The following LRPPRC variants were observed in gnomAD, a reference collection of about 807,000 sequenced individuals.
The protein encoded by LRPPRC is leucine rich pentatricopeptide repeat containing.
In LRPPRC, 120 loss-of-function variants were observed where a neutral mutation model predicts 180.3. That is an observed-to-expected ratio of 0.67 (90% CI 0.57 to 0.77). The LOEUF (loss-of-function observed/expected upper bound fraction) is 0.77, where lower values mean the gene tolerates loss of function less well. LRPPRC is among the 30% of genes least tolerant of loss of function. The pLI is 0.00. For synonymous variants in LRPPRC, 723 were observed against 600.0 expected, an observed-to-expected ratio of 1.21 and a Z score of -3.00; for missense variants, 2,012 against 1,657.2, an observed-to-expected ratio of 1.21 and a Z score of -3.72.
At chr2:43,911,505 TTTCTTCTTC>T (rs202191599) in intron 30 of LRPPRC, among the ~76,000 whole-genome samples, 14 of 135,292 alleles carry the variant, frequency 1.0e-4, no homozygotes, top group African/African-American at 3.9e-4. Flanking sequence ...TTCCTTTTCT[TTTCTTCTTC>T]TTCTTCTTCT....
intron 11 of LRPPRC, among the ~76,000 whole-genome samples, chr2:43,966,266 A>G (rs1184777584): frequency 6.6e-6 from 1 of 151,746 alleles, no homozygotes; most frequent in African/African-American, 2.4e-5. Context: ...AAAAAGTTGA[A>G]CTCTGTTATG....
At chr2:43,941,837 T>TAAAAAA (rs35278650) in intron 23 of LRPPRC, among the ~76,000 whole-genome samples, 1 of 92,860 alleles carries the variant, frequency 1.1e-5, no homozygotes, top group African/African-American at 4.0e-5. Context: ...CAAAGTAGTC[T>TAAAAAA]AAAAAAAAAA....
chr2:43,960,538 T>C lies in LRPPRC; in HGVS notation c.1582+3A>G. ...AAGTTTACCGCTAATGTTGTATACT[T>C]ACAAAATGATAATACAAAGTCTAAG... On this transcript the variant is annotated splice_donor_region_variant and intron_variant, in intron 13 of 37. Coordinates refer to ENST00000260665, the MANE Select transcript of LRPPRC (RefSeq NM_133259.4). 1 of 1,507,368 alleles carries C rather than the reference T, an allele frequency of 6.6e-7. No individual in the cohort carries two copies. The highest frequency in any genetic ancestry group is 9.2e-7 in the Non-Finnish European group (1 of 1,084,502). 93.4% of individuals were successfully genotyped at this position (1,507,368 alleles called of 1,614,324 possible). A position where few individuals can be genotyped will look rare whatever the true frequency, so the allele number is the denominator to read the frequency against.
chr2:43,931,024 C>T (rs888019885), intron 25 of LRPPRC, among the ~76,000 whole-genome samples: 32 of 152,078 alleles, frequency 2.1e-4, no homozygotes, highest in African/African-American at 7.5e-4. Flanking sequence ...CAAGACCAGA[C>T]ATTAAATCCA....
chr2:43,947,617 G>A (rs1048631331), intron 19 of LRPPRC, 114 bp downstream of exon 19: 9 of 748,720 alleles, frequency 1.2e-5, no homozygotes, highest in African/African-American at 3.5e-5. Flanking sequence ...ACTTCTTAGA[G>A]GTATACAAGA....
intron 12 of LRPPRC, 38 bp from the exon 13 acceptor site, chr2:43,960,672 G>C (rs1187343377): frequency 1.1e-6 from 1 of 949,706 alleles, no homozygotes; most frequent in South Asian, 1.3e-5. Flanking sequence ...ATACATCTCA[G>C]CTAACAATAT....
At chr2:43,889,341 G>GAAAAA (rs1670397161) in intron 37 of LRPPRC, among the ~76,000 whole-genome samples, 1 of 87,840 alleles carries the variant, frequency 1.1e-5, no homozygotes, top group African/African-American at 4.3e-5. Context: ...AAAAAAAAAG[G>GAAAAA]CAAAATTTCC....
chr2:43,894,365 T>C (rs1572888507), intron 36 of LRPPRC, among the ~76,000 whole-genome samples, 180 bp downstream of exon 36: 1 of 152,248 alleles, frequency 6.6e-6, no homozygotes, highest in African/African-American at 2.4e-5. Flanking sequence ...TTCTTAATAG[T>C]TTAAAAACAT....
intron 29 of LRPPRC, among the ~76,000 whole-genome samples, chr2:43,915,228 TCTCTCACACACACACA>T (rs1397317834): frequency 4.3e-4 from 27 of 63,322 alleles, no homozygotes; most frequent in East Asian, 4.2e-3. Context: ...TCTCTCTCTC[TCTCTCACACACACACA>T]CACACACACA....
At chr2:43,974,856 A>C in intron 7 of LRPPRC, 98 bp from the exon 8 acceptor site, 4 of 1,255,422 alleles carry the variant, frequency 3.2e-6, no homozygotes, top group South Asian at 2.5e-5. Flanking sequence ...CTAGGGAAAA[A>C]TACCACCTAA....
chr2:43,918,788 T>TAG lies in LRPPRC; in HGVS notation c.2897-391_2897-390insCT, dbSNP rs1265452925. 1.2e-3 allele frequency among the ~76,000 whole-genome samples: 32 copies of TAG among 26,176 alleles called. No homozygotes were observed. The African/African-American group carries it at 0.013, about 11-fold the overall frequency. 17.2% of individuals were successfully genotyped at this position (26,176 alleles called of 152,430 possible). A position where few individuals can be genotyped will look rare whatever the true frequency, so the allele number is the denominator to read the frequency against. ...CAAAGATCCTGGAAATATATATATA[T>TAG]ATAGATATATATATATATATAGATA... On this transcript the variant is annotated intron_variant, in intron 27 of 37. Transcript: ENST00000260665.
At chr2:43,970,927 C>A (rs1057176905) in intron 11 of LRPPRC, among the ~76,000 whole-genome samples, 2 of 151,988 alleles carry the variant, frequency 1.3e-5, no homozygotes, top group African/African-American at 4.8e-5. Context: ...GGTGAAACCC[C>A]GTCTCTACTA....
Position 43,946,643 on chromosome 2 carries a change from G to A in LRPPRC, c.2080-400C>T, listed in dbSNP as rs187148433. Reference sequence around the variant, plus strand: ...GTCTAGTTTAGTATCCAAGTAATATGAAGAAATATTTTAGAATTTAACAGT... The same window carrying A: ...GTCTAGTTTAGTATCCAAGTAATATAAAGAAATATTTTAGAATTTAACAGT... On this transcript the variant is annotated intron_variant, in intron 20 of 37. Transcript: ENST00000260665. 1.9e-3 allele frequency among the ~76,000 whole-genome samples: 286 copies of A among 152,094 alleles called. 3 individuals are homozygous for A. The highest frequency in any genetic ancestry group is 6.5e-3 in the African/African-American group (270 of 41,520).
At position 43,912,536 on chromosome 2, in the gene LRPPRC, A is replaced by T. The variant is rs765647846; in HGVS notation, c.3171T>A (p.Asn1057Lys). 39 of 1,609,160 alleles carry T rather than the reference A, an allele frequency of 2.4e-5. No homozygotes were observed. In the Admixed American group the frequency reaches 2.8e-4, roughly 12 times the overall value. Residue 1057 changes from asparagine to lysine, a missense_variant, in exon 30 of 38, where the codon AAT (asparagine) becomes AAA (lysine). Transcript: ENST00000260665. The stretch of plus-strand genomic sequence containing the variant: ...TAAACACAATGTTTTGCTCTTTTGC[A>T]TTCAGGAAAATATCATATGCCCCTA... The part of the protein sequence containing the change: ...QKKGAYDIFL[N>K]AKEQNIVFNA...
At position 43,976,219 on chromosome 2, in the gene LRPPRC, C is replaced by G; in HGVS notation, c.661G>C (p.Gly221Arg). ...GGGAGATCCTTAGTTTTCATAAATC[C>G]AAGAATCTTGCTGCAAAGGAAAAAC... ...GDIEGASKIL[G>R]FMKTKDLPVT... Residue 221 changes from glycine to arginine, a missense_variant, in exon 6 of 38, where the codon GGA (glycine) becomes CGA (arginine). Transcript: ENST00000260665. The G allele has an allele frequency of 6.2e-7, 1 of 1,603,990 alleles. No homozygotes were observed. The highest frequency in any genetic ancestry group is 8.5e-7 in the Non-Finnish European group (1 of 1,170,886).
At chr2:43,894,178 T>TGTA (rs1670598664) in intron 36 of LRPPRC, among the ~76,000 whole-genome samples, 1 of 151,970 alleles carries the variant, frequency 6.6e-6, no homozygotes, top group African/African-American at 2.4e-5. Context: ...GTCTCAAATG[T>TGTA]GTACTTGTTT....
At chr2:43,938,148 A>G (rs1268998339) in intron 23 of LRPPRC, among the ~76,000 whole-genome samples, 5 of 151,984 alleles carry the variant, frequency 3.3e-5, no homozygotes, top group Non-Finnish European at 7.4e-5. Flanking sequence ...AAATGACACT[A>G]AAAGAAAATC....
At chr2:43,931,911 G>A (rs1475686922) in intron 25 of LRPPRC, among the ~76,000 whole-genome samples, 1 of 151,708 alleles carries the variant, frequency 6.6e-6, no homozygotes, top group Non-Finnish European at 1.5e-5. Flanking sequence ...TTCCTTCTCA[G>A]TCTTTCTCCC....
intron 11 of LRPPRC, among the ~76,000 whole-genome samples, chr2:43,971,035 G>A (rs1207640118): frequency 3.3e-5 from 5 of 151,838 alleles, no homozygotes; most frequent in African/African-American, 1.2e-4. Flanking sequence ...GGGAGGCAGA[G>A]GTTGCAGGGA....
Sources: allele counts gnomAD v4.1 joint callset (sites outside exome capture counted in the v4.1 genomes callset), GRCh38; gene constraint gnomAD v4.1.1; transcripts MANE v1.5; gene names NCBI Gene and HGNC (gene_info 2026-07-23, HGNC 2026-07-21).